The following CLDN14 variants were observed in gnomAD, a reference collection of about 807,000 sequenced individuals.
CLDN14 encodes claudin 14.
In CLDN14, 2 loss-of-function variants were observed where a neutral mutation model predicts 2.1. That is an observed-to-expected ratio of 0.96 (90% confidence interval 0.39 to 3.01). CLDN14 has a LOEUF of 3.01. Among genes scored for constraint, CLDN14 ranks in the 30% most tolerant of loss-of-function variants. The probability of loss-of-function intolerance (pLI) is 0.09; values close to 1 mark genes in which losing one functional copy is unlikely to be tolerated. For missense variants in CLDN14, 298 were observed against 328.0 expected (o/e 0.91, Z 0.71); for synonymous variants, 136 against 154.4 (o/e 0.88, Z 0.88).
chr21:36,498,835 A>C lies in CLDN14; in HGVS notation c.-82+11528T>G, dbSNP rs61592461. Among the ~76,000 whole-genome samples the C allele has an allele frequency of 0.03, 4,518 of 152,032 alleles. 226 individuals are homozygous for C. Among genetic ancestry groups the C allele is most frequent in the African/African-American group, 0.1 (4,168 of 41,470 alleles). ...CAGCCCTGCACGAAGGTGGCCGCTG[A>C]GGGGCCCTCATGGGGGCTGAAATTC... On this transcript the variant is annotated intron_variant, in intron 2 of 2. Transcript: ENST00000342108. This position sits in a 1 kb window ranked among gnomAD's most constrained non-coding sequence, Gnocchi z 4.9.
intron 1 of CLDN14, among the ~76,000 whole-genome samples, chr21:36,553,258 G>A (rs377574): frequency 0.75 from 113,824 of 152,034 alleles, 44,104 homozygotes; most frequent in Non-Finnish European, 0.87. Flanking sequence ...TCTGCCTTCA[G>A]TGGACCCTTG....
Position 36,544,533 on chromosome 21 carries a change from G to T in CLDN14, c.-220+31878C>A, listed in dbSNP as rs1263216764. On this transcript the variant is annotated intron_variant, in intron 1 of 2. Coordinates refer to the CLDN14 transcript ENST00000342108. The surrounding 1 kb of genome is among the most constrained non-coding windows in gnomAD (Gnocchi z 4.1). ...AGGAAGGAGAGGCAAATTTGAGGCT[G>T]GGGAGAATTTGAATTTTCCTGTGCA... 6.6e-6 allele frequency among the ~76,000 whole-genome samples: 1 copy of T among 152,212 alleles called. No homozygotes were observed. The highest frequency in any genetic ancestry group is 1.5e-5 in the Non-Finnish European group (1 of 68,046).
chr21:36,532,088 A>T (rs972748738), intron 1 of CLDN14: 8 of 152,216 alleles, frequency 5.3e-5, no homozygotes, highest in African/African-American at 1.9e-4. Context: ...CATTTTACCA[A>T]CCTCAAAACG....
chr21:36,543,317 G>A (rs144373931), intron 1 of CLDN14, among the ~76,000 whole-genome samples: 1 of 152,252 alleles, frequency 6.6e-6, no homozygotes, highest in East Asian at 1.9e-4. Flanking sequence ...CTATAGCAGT[G>A]AACAAAAAAT....
intron 1 of CLDN14, among the ~76,000 whole-genome samples, chr21:36,572,128 G>C (rs1265864969): frequency 1.1e-4 from 17 of 152,044 alleles, no homozygotes; most frequent in Admixed American, 1.1e-3. Context: ...GAACCTTTTT[G>C]CAATTTTGGT....
In CLDN14 at chr21:36,509,251, G is replaced by T. The variant is rs567961502; in HGVS notation, c.-82+1112C>A. On this transcript the variant is annotated intron_variant, in intron 2 of 2. Coordinates refer to the CLDN14 transcript ENST00000342108. ...TGCTGTGAAGGCACTTCCGGTGTCC[G>T]CCATCTTGGGAGCAGCTCAGACCGG... Among the ~76,000 whole-genome samples, 30 of 152,324 alleles carry T rather than the reference G, an allele frequency of 2.0e-4. No individual in the cohort carries two copies. The South Asian group carries it at 5.6e-3, about 28-fold the overall frequency.
At chr21:36,539,607 A>G (rs1478185829) in intron 1 of CLDN14, among the ~76,000 whole-genome samples, 291 of 59,786 alleles carry the variant, frequency 4.9e-3, no homozygotes, top group Middle Eastern at 0.03. Flanking sequence ...TGTGGAGTGA[A>G]TGTATGTGGA....
At chr21:36,489,117 G>GAAAAAAAAAAA (rs869298653) in intron 2 of CLDN14, among the ~76,000 whole-genome samples, 4 of 57,006 alleles carry the variant, frequency 7.0e-5, no homozygotes, top group African/African-American at 1.5e-4. Flanking sequence ...CTGTCTCAAA[G>GAAAAAAAAAAA]AAAAAAAAAA....
chr21:36,518,029 A>T (rs960745620), intron 1 of CLDN14, among the ~76,000 whole-genome samples: 3 of 151,598 alleles, frequency 2.0e-5, no homozygotes, highest in Non-Finnish European at 4.4e-5. Context: ...TGGCTCCACA[A>T]TTACATGTCA....
chr21:36,522,507 A>G (rs2070518), intron 1 of CLDN14, among the ~76,000 whole-genome samples: 123,425 of 152,114 alleles, frequency 0.81, 50,822 homozygotes, highest in Middle Eastern at 0.91. Flanking sequence ...CTCCATCCCC[A>G]TTTGGGGCCT....
chr21:36,485,892 G>A (rs753784003), intron 2 of CLDN14: 2 of 621,642 alleles, frequency 3.2e-6, no homozygotes. Context: ...TATTTAGGCT[G>A]TAATGGTTAC....
chr21:36,504,295 G>A (rs1023980816), intron 2 of CLDN14, among the ~76,000 whole-genome samples: 2 of 151,872 alleles, frequency 1.3e-5, no homozygotes, highest in African/African-American at 2.4e-5. Context: ...AGTTATGATC[G>A]TGCCATTGCA....
At chr21:36,542,556 G>A (rs2087498427) in intron 1 of CLDN14, 2 of 152,380 alleles carry the variant, frequency 1.3e-5, no homozygotes, top group East Asian at 1.9e-4. Flanking sequence ...CCCGGGGCTG[G>A]AAACTCACCC....
At chr21:36,520,617 C>T (rs1434384561) in intron 1 of CLDN14, among the ~76,000 whole-genome samples, 3 of 152,162 alleles carry the variant, frequency 2.0e-5, no homozygotes, top group Non-Finnish European at 4.4e-5. Context: ...GTCCATTAAA[C>T]CTCTTTTTCT....
At chr21:36,564,372 T>C (rs563430780) in intron 1 of CLDN14, among the ~76,000 whole-genome samples, 116 of 152,264 alleles carry the variant, frequency 7.6e-4, no homozygotes, top group African/African-American at 2.6e-3. Context: ...GGATGAAAAG[T>C]GTGAAGAGTT....
At chr21:36,538,161 A>C (rs2087445664) in intron 1 of CLDN14, among the ~76,000 whole-genome samples, 1 of 152,178 alleles carries the variant, frequency 6.6e-6, no homozygotes, top group Non-Finnish European at 1.5e-5. Context: ...GAGGTCTATG[A>C]AAGTCCAACA....
intron 1 of CLDN14, among the ~76,000 whole-genome samples, chr21:36,469,788 T>C (rs1034814071): frequency 4.6e-5 from 7 of 152,190 alleles, no homozygotes; most frequent in Non-Finnish European, 8.8e-5. Flanking sequence ...ATTATCTCTC[T>C]CATTTCAACT....
intron 1 of CLDN14, among the ~76,000 whole-genome samples, chr21:36,531,620 G>T (rs1390955173): frequency 6.6e-6 from 1 of 151,476 alleles, no homozygotes; most frequent in Non-Finnish European, 1.5e-5. Context: ...CAGCCTCTGG[G>T]GTGGGACAGG....
intron 1 of CLDN14, among the ~76,000 whole-genome samples, chr21:36,561,960 C>T (rs376840767): frequency 8.1e-5 from 2 of 24,704 alleles, no homozygotes; most frequent in Non-Finnish European, 4.0e-4. Context: ...ACTTTCAAGA[C>T]TCTTGTTTTG....
Sources: allele counts gnomAD v4.1 joint callset (sites outside exome capture counted in the v4.1 genomes callset), GRCh38; gene constraint gnomAD v4.1.1; non-coding constraint Gnocchi (gnomAD v3.1); transcripts MANE v1.5; gene names NCBI Gene and HGNC (gene_info 2026-07-23, HGNC 2026-07-21).